The following FHIP1A variants were observed in gnomAD, a reference collection of about 807,000 sequenced individuals.
The protein encoded by FHIP1A is FHF complex subunit HOOK-interacting protein 1A.
Under a neutral mutation model 88.6 loss-of-function variants are expected in FHIP1A, and 61 were observed. The ratio of observed to expected loss-of-function variants is 0.69; its 90% CI spans 0.56 to 0.85. FHIP1A has a LOEUF of 0.85. FHIP1A is among the 40% of genes least tolerant of loss of function. The pLI is 0.00. For missense variants in FHIP1A, 1,154 were observed against 1,273.5 expected, an observed-to-expected ratio of 0.91 and a Z score of 1.43; for synonymous variants, 478 against 496.0, an observed-to-expected ratio of 0.96 and a Z score of 0.48.
At chr4:151,455,396 G>A (rs1728931812) in intron 2 of FHIP1A, among the ~76,000 whole-genome samples, 1 of 152,188 alleles carries the variant, frequency 6.6e-6, no homozygotes, top group South Asian at 2.1e-4. Context: ...TTAAAGGAGG[G>A]CAGGTCATCC....
At chr4:151,510,194 T>G (rs914140416) in intron 3 of FHIP1A, among the ~76,000 whole-genome samples, 1 of 152,030 alleles carries the variant, frequency 6.6e-6, no homozygotes, top group Non-Finnish European at 1.5e-5. Flanking sequence ...AGACTCAAGC[T>G]CCTGGGTTCA....
chr4:151,521,328 A>G (rs905672363), intron 3 of FHIP1A, among the ~76,000 whole-genome samples: 8 of 152,198 alleles, frequency 5.3e-5, no homozygotes, highest in African/African-American at 1.9e-4. Context: ...ATGAATATTT[A>G]ATAATTTTTT....
At chr4:151,582,406 C>T (rs1041494121) in intron 5 of FHIP1A, among the ~76,000 whole-genome samples, 4 of 151,430 alleles carry the variant, frequency 2.6e-5, no homozygotes, top group South Asian at 2.1e-4. Flanking sequence ...CATTTCTGTG[C>T]GTAAAACATT....
intron 13 of FHIP1A, among the ~76,000 whole-genome samples, chr4:151,659,942 C>CTGA (rs1041874392): frequency 1.3e-5 from 2 of 152,218 alleles, no homozygotes; most frequent in African/African-American, 2.4e-5. Context: ...CTTTCTCTTT[C>CTGA]TACTCAAATA....
chr4:151,549,770 C>T (rs1468759728), intron 3 of FHIP1A, among the ~76,000 whole-genome samples: 1 of 152,104 alleles, frequency 6.6e-6, no homozygotes, highest in Non-Finnish European at 1.5e-5. Context: ...TCCAAGAGCC[C>T]TCTCTTGGGA....
chr4:151,561,877 A>G (rs903338399), intron 3 of FHIP1A, among the ~76,000 whole-genome samples: 2 of 152,160 alleles, frequency 1.3e-5, no homozygotes, highest in Admixed American at 1.3e-4. Flanking sequence ...TCTTATAAAG[A>G]TTTTTGTACA....
At chr4:151,579,975 G>T (rs1733958492) in intron 5 of FHIP1A, among the ~76,000 whole-genome samples, 1 of 152,024 alleles carries the variant, frequency 6.6e-6, no homozygotes, top group Non-Finnish European at 1.5e-5. Context: ...CCTATGAATG[G>T]GGATATTCTC....
At chr4:151,560,624 T>C (rs1733137538) in intron 3 of FHIP1A, among the ~76,000 whole-genome samples, 1 of 152,146 alleles carries the variant, frequency 6.6e-6, no homozygotes, top group Non-Finnish European at 1.5e-5. Context: ...TTAATAGCTT[T>C]CAACAAAATA....
At chr4:151,430,651 G>A (rs1008206760) in intron 1 of FHIP1A, among the ~76,000 whole-genome samples, 6 of 152,108 alleles carry the variant, frequency 3.9e-5, no homozygotes, top group Non-Finnish European at 8.8e-5. Context: ...TAATCTGTGG[G>A]AACACTTTTG....
intron 2 of FHIP1A, among the ~76,000 whole-genome samples, chr4:151,482,077 A>G (rs565506084): frequency 1.6e-4 from 25 of 152,180 alleles, no homozygotes; most frequent in Admixed American, 8.5e-4. Context: ...AGAGAGGTCA[A>G]AGTTACTCAG....
chr4:151,548,404 A>G (rs1159823992), intron 3 of FHIP1A, among the ~76,000 whole-genome samples: 1 of 152,204 alleles, frequency 6.6e-6, no homozygotes, highest in East Asian at 1.9e-4. Context: ...CTGCATTTCT[A>G]GTAAGTTAGA....
rs1031186817 is a variant in FHIP1A, at chr4:151,515,519, T to G, written c.-123+32871T>G. Among the ~76,000 whole-genome samples, 254 of 152,324 alleles carry G rather than the reference T, an allele frequency of 1.7e-3. 6 individuals carry two copies. Among genetic ancestry groups the G allele is most frequent in the Admixed American group, 0.016 (250 of 15,298 alleles). ...GGAAAAGAGGAAGTCAAATTATCCC[T>G]GTTTGCAGATGACATGATTGTATAT... On this transcript the variant is annotated intron_variant, in intron 3 of 13. Coordinates refer to ENST00000435205, the MANE Select transcript of FHIP1A (RefSeq NM_001109977.3).
chr4:151,458,888 G>T (rs1729055998), intron 2 of FHIP1A, among the ~76,000 whole-genome samples: 1 of 147,020 alleles, frequency 6.8e-6, no homozygotes, highest in Non-Finnish European at 1.5e-5. Context: ...GTAATATTTA[G>T]CAGAAAAAGG....
chr4:151,584,957 A>G (rs1734154702), intron 5 of FHIP1A, among the ~76,000 whole-genome samples: 2 of 152,134 alleles, frequency 1.3e-5, no homozygotes, highest in Admixed American at 6.5e-5. Context: ...TCTGAGTAAG[A>G]GTCTTTTGTA....
chr4:151,439,899 A>G (rs1293684761), intron 1 of FHIP1A, among the ~76,000 whole-genome samples: 1 of 152,174 alleles, frequency 6.6e-6, no homozygotes, highest in African/African-American at 2.4e-5. Flanking sequence ...TACATACTGT[A>G]TAATGTATTT....
intron 3 of FHIP1A, among the ~76,000 whole-genome samples, chr4:151,543,338 G>A (rs1732368595): frequency 6.6e-6 from 1 of 152,140 alleles, no homozygotes. Flanking sequence ...TGTATGCTTA[G>A]CCCCTCACCA....
chr4:151,481,868 C>T (rs1185701855), intron 2 of FHIP1A, among the ~76,000 whole-genome samples: 1 of 152,078 alleles, frequency 6.6e-6, no homozygotes, highest in Non-Finnish European at 1.5e-5. Context: ...CTCTGTGTTT[C>T]TCCCAGGTAG....
At position 151,588,930 on chromosome 4, in the gene FHIP1A, A is replaced by G. The variant is rs1036330861; in HGVS notation, c.978+4A>G. ...CTTGGCTCCTGCTCTCCATAAGGTC[A>G]GTGATTGGCTCATGTAATCTTCTGT... On this transcript the variant is annotated splice_donor_region_variant and intron_variant, in intron 7 of 13. Transcript: ENST00000435205. The G allele has an allele frequency of 3.9e-6, 6 of 1,523,308 alleles. No homozygotes were observed. The highest frequency in any genetic ancestry group is 2.0e-5 in the Admixed American group (1 of 50,944). The allele number at this position is 1,523,308 out of a possible 1,614,324, so 94.4% of individuals were successfully genotyped here. A position where few individuals can be genotyped will look rare whatever the true frequency, so the allele number is the denominator to read the frequency against.
rs1200931531 is a variant in FHIP1A at position 151,420,325 on chromosome 4, A to G, written c.-356+10860A>G. On this transcript the variant is annotated intron_variant, in intron 1 of 13. Coordinates refer to ENST00000435205, the MANE Select transcript of FHIP1A (RefSeq NM_001109977.3). ...ATATCTCATAGTGGTTTTGATTTGC[A>G]TTTCTCTGATGGCCAGTGATGATGA... Among the ~76,000 whole-genome samples, 3 of 36,210 alleles carry G rather than the reference A, an allele frequency of 8.3e-5. No individual in the cohort carries two copies. In the East Asian group the frequency reaches 1.5e-3, roughly 18 times the overall value. 23.8% of individuals were successfully genotyped at this position (36,210 alleles called of 152,430 possible).
Sources: gnomAD v4.1 joint callset for allele counts (sites outside exome capture counted in the v4.1 genomes callset) on GRCh38, gnomAD v4.1.1 for gene constraint, MANE v1.5 for transcripts, NCBI Gene and HGNC (gene_info 2026-07-23, HGNC 2026-07-21) for gene names.